Variants in PRKAA2 observed in about 807,000 individuals in gnomAD.
PRKAA2 encodes the protein 5'-AMP-activated protein kinase catalytic subunit alpha-2.
In PRKAA2, 40 loss-of-function variants were observed where a neutral mutation model predicts 56.3. That is an observed-to-expected ratio of 0.71 (90% CI 0.55 to 0.92). PRKAA2 has a LOEUF of 0.92. Ranked by LOEUF, PRKAA2 falls within the 40% of genes least tolerant of loss-of-function variation. PRKAA2 has a pLI of 0.00. For synonymous variants in PRKAA2, 214 were observed against 234.2 expected, an observed-to-expected ratio of 0.91 and a Z score of 0.79; for missense variants, 542 against 686.9, an observed-to-expected ratio of 0.79 and a Z score of 2.36.
intron 1 of PRKAA2, among the ~76,000 whole-genome samples, chr1:56,668,571 T>G (rs1032322957): frequency 6.6e-6 from 1 of 152,244 alleles, no homozygotes; most frequent in Non-Finnish European, 1.5e-5. Context: ...GGCAACTCTT[T>G]TCTTTGATCC....
intron 5 of PRKAA2, 24 bp from the exon 6 acceptor site, chr1:56,695,911 T>G (rs1644255865): frequency 1.3e-6 from 2 of 1,590,318 alleles, no homozygotes; most frequent in Admixed American, 3.4e-5. Flanking sequence ...CATTTCAGGT[T>G]TGTGTTGTCA....
intron 1 of PRKAA2, among the ~76,000 whole-genome samples, chr1:56,647,028 T>C (rs1646648578): frequency 6.6e-6 from 1 of 152,216 alleles, no homozygotes; most frequent in South Asian, 2.1e-4. Flanking sequence ...TAGAGAGTCT[T>C]GTGAGGTTGG....
In PRKAA2 at chr1:56,709,669, A is replaced by T. The variant is rs141619839; in HGVS notation, c.*1956A>T. On this transcript the variant is annotated 3_prime_UTR_variant, in exon 9 of 9. Transcript: ENST00000371244. The stretch of plus-strand genomic sequence containing the variant: ...GAATGGAATTACCTTAGAAATAAGG[A>T]ACTAATCAGATTACTTAACCCCAAT... The T allele has an allele frequency of 8.1e-4, 123 of 152,238 alleles. No homozygotes were observed. Among genetic ancestry groups the T allele is most frequent in the African/African-American group, 2.9e-3 (120 of 41,574 alleles). The allele number at this position is 152,238 out of a possible 1,614,324, so 9.4% of individuals were successfully genotyped here. A position where few individuals can be genotyped will look rare whatever the true frequency, so the allele number is the denominator to read the frequency against.
intron 8 of PRKAA2, among the ~76,000 whole-genome samples, chr1:56,706,922 A>G (rs1172751496): frequency 6.6e-6 from 1 of 152,186 alleles, no homozygotes; most frequent in Non-Finnish European, 1.5e-5. Flanking sequence ...GGTAGTGTTT[A>G]TATGGATCCC....
intron 2 of PRKAA2, among the ~76,000 whole-genome samples, chr1:56,677,955 G>A (rs1314242515): frequency 1.3e-5 from 2 of 152,040 alleles, no homozygotes; most frequent in African/African-American, 2.4e-5. Context: ...CTGCGCCCAG[G>A]CCCGAAGACT....
At chr1:56,684,885 G>A (rs1644180404) in intron 2 of PRKAA2, among the ~76,000 whole-genome samples, 1 of 152,112 alleles carries the variant, frequency 6.6e-6, no homozygotes, top group African/African-American at 2.4e-5. Flanking sequence ...TAAAATGGGA[G>A]ATATTGTAGA....
intron 1 of PRKAA2, among the ~76,000 whole-genome samples, chr1:56,667,290 T>G (rs1215039141): frequency 6.6e-6 from 1 of 152,062 alleles, no homozygotes; most frequent in African/African-American, 2.4e-5. Flanking sequence ...AGGGCCAATT[T>G]AAAGGTCTGG....
intron 1 of PRKAA2, among the ~76,000 whole-genome samples, chr1:56,672,553 A>C (rs1391615083): frequency 6.6e-6 from 1 of 152,190 alleles, no homozygotes; most frequent in Non-Finnish European, 1.5e-5. Flanking sequence ...GACATAACAT[A>C]AGGGTCTACC....
At chr1:56,686,883 CTTTT>C (rs144698190) in intron 2 of PRKAA2, among the ~76,000 whole-genome samples, 37 of 128,508 alleles carry the variant, frequency 2.9e-4, no homozygotes, top group South Asian at 1.3e-3. Context: ...CCTAAATACT[CTTTT>C]TTTTTTTTTT....
intron 1 of PRKAA2, among the ~76,000 whole-genome samples, chr1:56,646,114 C>T (rs1569691225): frequency 1.3e-5 from 2 of 152,072 alleles, no homozygotes; most frequent in Non-Finnish European, 1.5e-5. Context: ...AGGTCCCTGC[C>T]ATCCCCAGAT....
chr1:56,697,888 A>G (rs1360721639), intron 6 of PRKAA2, among the ~76,000 whole-genome samples: 1 of 152,018 alleles, frequency 6.6e-6, no homozygotes, highest in Non-Finnish European at 1.5e-5. Context: ...ACTTCAGAAG[A>G]AAAATGTAAA....
intron 6 of PRKAA2, among the ~76,000 whole-genome samples, chr1:56,702,413 A>G (rs1204292723): frequency 6.6e-6 from 1 of 152,144 alleles, no homozygotes; most frequent in African/African-American, 2.4e-5. Context: ...CATTTTCTAT[A>G]CCACAAACAA....
chr1:56,684,860 A>G (rs1297067590), intron 2 of PRKAA2, among the ~76,000 whole-genome samples: 1 of 152,194 alleles, frequency 6.6e-6, no homozygotes, highest in Non-Finnish European at 1.5e-5. Flanking sequence ...AGGAGTCTAA[A>G]CAAGGTTAGC....
At chr1:56,700,811 C>T (rs1644288821) in intron 6 of PRKAA2, among the ~76,000 whole-genome samples, 2 of 151,990 alleles carry the variant, frequency 1.3e-5, no homozygotes, top group Non-Finnish European at 2.9e-5. Flanking sequence ...CTATTCTGCT[C>T]CTCTATTCTC....
chr1:56,651,742 A>G (rs1219826686), intron 1 of PRKAA2, among the ~76,000 whole-genome samples: 12 of 152,174 alleles, frequency 7.9e-5, no homozygotes, highest in Admixed American at 7.9e-4. Context: ...TGGATGCCTC[A>G]ATCTTTCATT....
At chr1:56,657,187 A>C (rs1193312883) in intron 1 of PRKAA2, among the ~76,000 whole-genome samples, 1 of 152,150 alleles carries the variant, frequency 6.6e-6, no homozygotes, top group African/African-American at 2.4e-5. Context: ...AAAAATGTTG[A>C]GAATATCTTA....
At chr1:56,682,898 A>G (rs1644164821) in intron 2 of PRKAA2, among the ~76,000 whole-genome samples, 1 of 152,086 alleles carries the variant, frequency 6.6e-6, no homozygotes, top group Admixed American at 6.6e-5. Context: ...ATAGCTGCAT[A>G]TGTTTAGTGA....
intron 1 of PRKAA2, among the ~76,000 whole-genome samples, chr1:56,655,280 A>ATATATATTTTTTTGTTTTTTTTTTTTT: frequency 1.1e-5 from 1 of 93,680 alleles, no homozygotes; most frequent in Non-Finnish European, 1.9e-5. Context: ...ATATATATAT[A>ATATATATTTTTTTGTTTTTTTTTTTTT]TTTTTTTTTT....
rs147541221 is a variant in PRKAA2 at position 56,683,962 on chromosome 1, G to A, written c.237-7432G>A. 5.3e-5 allele frequency among the ~76,000 whole-genome samples: 8 copies of A among 152,312 alleles called. No homozygotes were observed. In the East Asian group the frequency reaches 9.7e-4, roughly 18 times the overall value. ...TTACATTTAGACTGTAGGTGAGCAA[G>A]AGTTGAAGCAGGGAAACCAATTGGG... On this transcript the variant is annotated intron_variant, in intron 2 of 8. Transcript: ENST00000371244.
Sources: gnomAD v4.1 joint callset for allele counts (sites outside exome capture counted in the v4.1 genomes callset) on GRCh38, gnomAD v4.1.1 for gene constraint, MANE v1.5 for transcripts, NCBI Gene and HGNC (gene_info 2026-07-23, HGNC 2026-07-21) for gene names.